NEBL: variants seen among roughly 807,000 people sequenced by gnomAD.
NEBL encodes LIM and SH3 protein 2.
NEBL carries 122 observed loss-of-function variants against 140.2 expected under a neutral mutation model. That is an observed-to-expected ratio of 0.87 (90% CI 0.75 to 1.01). The LOEUF is 1.01. Among genes scored for constraint, NEBL ranks in the 50% least tolerant of loss-of-function variants. The pLI, the probability that NEBL is intolerant of heterozygous loss-of-function variation, is 0.00. For synonymous variants in NEBL, 436 were observed against 398.9 expected (o/e 1.09, Z -1.11); for missense variants, 1,365 against 1,231.3 (o/e 1.11, Z -1.62).
At chr10:21,045,818 A>C (rs547102645) in intron 2 of NEBL, among the ~76,000 whole-genome samples, 2 of 152,330 alleles carry the variant, frequency 1.3e-5, no homozygotes, top group African/African-American at 4.8e-5. Context: ...TCCTCAAAAA[A>C]TGTAAAATAG....
intron 16 of NEBL, among the ~76,000 whole-genome samples, chr10:20,830,674 T>C (rs1840311118): frequency 6.6e-6 from 1 of 151,416 alleles, no homozygotes; most frequent in Admixed American, 6.6e-5. Flanking sequence ...AGACAAAACG[T>C]TTGTAATTTA....
intron 3 of NEBL, among the ~76,000 whole-genome samples, chr10:21,229,024 G>A (rs565868982): frequency 6.6e-6 from 1 of 152,078 alleles, no homozygotes; most frequent in African/African-American, 2.4e-5. Flanking sequence ...ACCCATAGTG[G>A]ACATAGAGTG....
chr10:20,786,695 A>G (rs1835438442), intron 27 of NEBL, among the ~76,000 whole-genome samples: 1 of 152,204 alleles, frequency 6.6e-6, no homozygotes. Context: ...GGGCTTGTAG[A>G]AGAAATTTCT....
intron 2 of NEBL, among the ~76,000 whole-genome samples, chr10:20,891,933 T>C (rs1847070565): frequency 1.3e-5 from 2 of 152,208 alleles, no homozygotes; most frequent in African/African-American, 2.4e-5. Flanking sequence ...GTAGCCTTCC[T>C]ACACCAAGAT....
At chr10:21,103,375 G>C (rs530160650) in intron 2 of NEBL, among the ~76,000 whole-genome samples, 1 of 151,834 alleles carries the variant, frequency 6.6e-6, no homozygotes, top group African/African-American at 2.4e-5. Flanking sequence ...CACCATGCCC[G>C]GCTAATTTTT....
chr10:21,212,233 A>C (rs984364542), intron 3 of NEBL, among the ~76,000 whole-genome samples: 3 of 152,010 alleles, frequency 2.0e-5, no homozygotes, highest in Non-Finnish European at 2.9e-5. Context: ...TATATGATTT[A>C]TTATGTTACA....
intron 7 of NEBL, among the ~76,000 whole-genome samples, chr10:20,862,499 C>T (rs1277339374): frequency 1.3e-5 from 2 of 152,160 alleles, no homozygotes; most frequent in Non-Finnish European, 2.9e-5. Flanking sequence ...CATCACTCAC[C>T]TTCGGACTTG....
At chr10:21,052,684 TCAC>T (rs1834830266) in intron 2 of NEBL, among the ~76,000 whole-genome samples, 4 of 152,130 alleles carry the variant, frequency 2.6e-5, no homozygotes, top group Admixed American at 2.6e-4. Flanking sequence ...TCCAGTGAAA[TCAC>T]CAACACTCAG....
At chr10:20,791,487 T>A (rs911584825) in intron 26 of NEBL, among the ~76,000 whole-genome samples, 3 of 152,130 alleles carry the variant, frequency 2.0e-5, no homozygotes, top group African/African-American at 7.2e-5. Context: ...CACTTCAGCC[T>A]CAAACTCCTG....
chr10:21,125,281 A>G (rs948292196), intron 2 of NEBL, among the ~76,000 whole-genome samples: 1 of 152,092 alleles, frequency 6.6e-6, no homozygotes, highest in Non-Finnish European at 1.5e-5. Context: ...GGTTGAAGCT[A>G]CATTTGCTCA....
intron 2 of NEBL, among the ~76,000 whole-genome samples, chr10:21,095,913 A>G (rs1284131966): frequency 6.6e-6 from 1 of 152,214 alleles, no homozygotes; most frequent in Non-Finnish European, 1.5e-5. Context: ...CAAATCCCCT[A>G]ACTAGACTGG....
chr10:21,201,957 T>C (rs1841745250), intron 3 of NEBL, among the ~76,000 whole-genome samples: 1 of 152,232 alleles, frequency 6.6e-6, no homozygotes, highest in Admixed American at 6.5e-5. Flanking sequence ...GAGGAGCTTG[T>C]GGCTCCACGC....
At chr10:21,240,481 A>G (rs1842424683) in intron 3 of NEBL, among the ~76,000 whole-genome samples, 1 of 152,124 alleles carries the variant, frequency 6.6e-6, no homozygotes, top group Non-Finnish European at 1.5e-5. Flanking sequence ...CATCTCTACT[A>G]AAAACACAAA....
intron 3 of NEBL, among the ~76,000 whole-genome samples, chr10:21,184,449 C>T (rs995329603): frequency 2.0e-5 from 3 of 152,100 alleles, no homozygotes; most frequent in Non-Finnish European, 4.4e-5. Context: ...CAAAAGTGCA[C>T]GGTACACAAT....
chr10:21,186,436 G>C (rs1011978358), intron 3 of NEBL, among the ~76,000 whole-genome samples: 2 of 152,018 alleles, frequency 1.3e-5, no homozygotes, highest in Admixed American at 6.6e-5. Context: ...TATCCACGAA[G>C]GATTTGTTCC....
intron 2 of NEBL, among the ~76,000 whole-genome samples, chr10:21,122,810 G>A (rs11012535): frequency 0.21 from 31,401 of 152,020 alleles, 3,416 homozygotes; most frequent in East Asian, 0.35. Flanking sequence ...AGGGAAATGA[G>A]AGAAAGAACA....
intron 1 of NEBL, among the ~76,000 whole-genome samples, chr10:21,275,636 G>GCTTTT (rs1297847915): frequency 3.7e-5 from 5 of 134,472 alleles, no homozygotes; most frequent in African/African-American, 1.4e-4. Context: ...CACATTACCA[G>GCTTTT]CTTTTTTTTT....
rs747238199 is a variant in NEBL, at chr10:20,831,227, C to G, written c.1640G>C (p.Arg547Pro). ...ATAGATTTCAGATGTCCTCTTGGCT[C>G]GAAGGATATCTGGGATATCCATGCT... is the stretch of plus-strand genomic sequence containing the variant. Reference protein sequence around the residue: ...QVSMDIPDILRAKRTSEIYSQ... With the variant: ...QVSMDIPDILPAKRTSEIYSQ... Residue 547 changes from arginine (R) to proline (P), a missense_variant, in exon 16 of 28, where the codon CGA (arginine) becomes CCA (proline). Transcript: ENST00000377122. The G allele has an allele frequency of 1.3e-5, 21 of 1,613,238 alleles. No individual in the cohort carries two copies. Among genetic ancestry groups the G allele is most frequent in the Non-Finnish European group, 1.8e-5 (21 of 1,179,622 alleles).
At chr10:21,002,540 A>G (rs965698363) in intron 3 of NEBL, among the ~76,000 whole-genome samples, 1 of 152,238 alleles carries the variant, frequency 6.6e-6, no homozygotes, top group African/African-American at 2.4e-5. Context: ...TAAAGAACTG[A>G]GACGGGGTAA....
Sources: allele counts gnomAD v4.1 joint callset (sites outside exome capture counted in the v4.1 genomes callset), GRCh38; gene constraint gnomAD v4.1.1; transcripts MANE v1.5; gene names NCBI Gene and HGNC (gene_info 2026-07-23, HGNC 2026-07-21).